Variants in ENOX1 observed in about 807,000 individuals in gnomAD.
The protein encoded by ENOX1 is candidate growth-related and time keeping constitutive hydroquinone (NADH) oxidase.
In ENOX1, 42 loss-of-function variants were observed where a neutral mutation model predicts 82.5. That is an observed-to-expected ratio of 0.51 (90% confidence interval 0.40 to 0.66). The LOEUF is 0.66. Ranked by LOEUF, ENOX1 falls within the 30% of genes least tolerant of loss-of-function variation. The pLI is 0.00. For synonymous variants in ENOX1, 271 were observed against 282.2 expected, an observed-to-expected ratio of 0.96 and a Z score of 0.40; for missense variants, 608 against 811.6, an observed-to-expected ratio of 0.75 and a Z score of 3.05.
intron 1 of ENOX1, among the ~76,000 whole-genome samples, chr13:43,678,130 A>C (rs923119348): frequency 4.6e-5 from 7 of 152,168 alleles, no homozygotes; most frequent in Non-Finnish European, 5.9e-5. Context: ...AAGTGGAGAA[A>C]AAAAGAAAGC....
intron 14 of ENOX1, among the ~76,000 whole-genome samples, chr13:43,256,114 A>C (rs1251923362): frequency 6.6e-6 from 1 of 152,182 alleles, no homozygotes; most frequent in Non-Finnish European, 1.5e-5. Context: ...AGAAGAATGA[A>C]ACTAGACCCC....
intron 8 of ENOX1, among the ~76,000 whole-genome samples, chr13:43,349,629 A>G (rs1242932859): frequency 3.3e-5 from 5 of 152,226 alleles, no homozygotes; most frequent in Admixed American, 2.6e-4. Context: ...CTTGTTAAAA[A>G]CACAGACTCA....
At chr13:43,295,106 A>T (rs555070668) in intron 12 of ENOX1, among the ~76,000 whole-genome samples, 1 of 152,354 alleles carries the variant, frequency 6.6e-6, no homozygotes, top group South Asian at 2.1e-4. Flanking sequence ...CATTGTATGT[A>T]AATTTTACCT....
intron 3 of ENOX1, among the ~76,000 whole-genome samples, chr13:43,437,356 G>A (rs1454429176): frequency 6.6e-6 from 1 of 152,156 alleles, no homozygotes; most frequent in Non-Finnish European, 1.5e-5. Flanking sequence ...GAACAAGCCA[G>A]TAAGACCCAA....
intron 2 of ENOX1, among the ~76,000 whole-genome samples, chr13:43,551,376 T>C (rs142936689): frequency 3.9e-5 from 6 of 152,270 alleles, no homozygotes; most frequent in Admixed American, 2.0e-4. Context: ...TGAAACCAAT[T>C]TGATCACGAT....
intron 2 of ENOX1, among the ~76,000 whole-genome samples, chr13:43,541,148 C>T (rs9525800): frequency 1.5e-5 from 2 of 137,122 alleles, no homozygotes. Flanking sequence ...GTTCCACACT[C>T]TCCAACCTTA....
chr13:43,517,713 T>C (rs1272049708), intron 2 of ENOX1, among the ~76,000 whole-genome samples: 2 of 152,102 alleles, frequency 1.3e-5, no homozygotes, highest in Non-Finnish European at 2.9e-5. Context: ...CTCCCCAAAA[T>C]TCATATGTTG....
intron 3 of ENOX1, among the ~76,000 whole-genome samples, chr13:43,446,846 G>C (rs911891971): frequency 1.3e-5 from 2 of 152,184 alleles, no homozygotes; most frequent in Non-Finnish European, 2.9e-5. Flanking sequence ...AGTACTCTTT[G>C]ACTAAAGTTT....
rs150288216 is a variant in ENOX1 at position 43,687,370 on chromosome 13, A to G, written c.-284-19826T>C. Among the ~76,000 whole-genome samples the G allele has an allele frequency of 1.8e-3, 269 of 152,268 alleles. 1 individual carries two copies. The highest frequency in any genetic ancestry group is 0.014 in the East Asian group (73 of 5,166). ...TTGGACGGGGGAATGGATCATGTCAATCTGGAGTATTGGGTGTCTCAGATG... is the reference window on the plus strand; with the variant it reads ...TTGGACGGGGGAATGGATCATGTCAGTCTGGAGTATTGGGTGTCTCAGATG... On this transcript the variant is annotated intron_variant, in intron 1 of 16. Transcript: ENST00000690772.
chr13:43,288,173 T>C (rs1463028030), intron 12 of ENOX1, among the ~76,000 whole-genome samples: 2 of 152,192 alleles, frequency 1.3e-5, no homozygotes, highest in Non-Finnish European at 2.9e-5. Context: ...AGGAAGACCA[T>C]GGTGGACCCC....
intron 14 of ENOX1, among the ~76,000 whole-genome samples, chr13:43,239,019 T>C (rs2042686751): frequency 6.6e-6 from 1 of 152,166 alleles, no homozygotes; most frequent in Non-Finnish European, 1.5e-5. Context: ...AGGGGGACTC[T>C]GAGCAAGGTT....
chr13:43,499,636 T>C (rs2076911379), intron 2 of ENOX1, among the ~76,000 whole-genome samples: 1 of 151,802 alleles, frequency 6.6e-6, no homozygotes, highest in Non-Finnish European at 1.5e-5. Flanking sequence ...AACCAGTCTA[T>C]AAAGATGGAG....
At chr13:43,746,605 C>T (rs1325576110) in intron 1 of ENOX1, among the ~76,000 whole-genome samples, 1 of 151,798 alleles carries the variant, frequency 6.6e-6, no homozygotes, top group African/African-American at 2.4e-5. Flanking sequence ...GAAGGTATTT[C>T]ATAGAGTACA....
intron 1 of ENOX1, among the ~76,000 whole-genome samples, chr13:43,709,128 G>T (rs1477069976): frequency 6.6e-6 from 1 of 152,028 alleles, no homozygotes; most frequent in Non-Finnish European, 1.5e-5. Context: ...ATGGACAAAA[G>T]AAATAGAACC....
At chr13:43,723,333 C>T (rs996875159) in intron 1 of ENOX1, among the ~76,000 whole-genome samples, 3 of 152,064 alleles carry the variant, frequency 2.0e-5, no homozygotes, top group Admixed American at 6.6e-5. Context: ...AAGCCCAGAA[C>T]GTGATTAAAA....
intron 7 of ENOX1, among the ~76,000 whole-genome samples, chr13:43,356,844 G>C (rs759689068): frequency 6.6e-6 from 1 of 152,078 alleles, no homozygotes; most frequent in East Asian, 1.9e-4. Flanking sequence ...CAGCCCTGCA[G>C]CACCTCATCT....
intron 1 of ENOX1, among the ~76,000 whole-genome samples, chr13:43,722,784 T>G (rs2088668785): frequency 6.6e-6 from 1 of 152,170 alleles, no homozygotes; most frequent in Admixed American, 6.6e-5. Context: ...CACCTTCCAC[T>G]GAATTCAAAG....
chr13:43,416,375 C>T (rs1395055529), intron 3 of ENOX1, among the ~76,000 whole-genome samples: 3 of 148,092 alleles, frequency 2.0e-5, no homozygotes, highest in Non-Finnish European at 3.0e-5. Context: ...AAGCGCTCCT[C>T]ACATCCCAGA....
intron 2 of ENOX1, among the ~76,000 whole-genome samples, chr13:43,625,144 T>C (rs1452146084): frequency 6.6e-6 from 1 of 152,060 alleles, no homozygotes; most frequent in Non-Finnish European, 1.5e-5. Flanking sequence ...AATGGTATCA[T>C]ATTTTTCAAT....
Sources: gnomAD v4.1 joint callset for allele counts (sites outside exome capture counted in the v4.1 genomes callset) on GRCh38, gnomAD v4.1.1 for gene constraint, MANE v1.5 for transcripts, NCBI Gene and HGNC (gene_info 2026-07-23, HGNC 2026-07-21) for gene names.